FAM110C: variants seen among roughly 807,000 people sequenced by gnomAD.
The protein encoded by FAM110C is protein FAM110C.
A neutral mutation model predicts 15.7 loss-of-function variants in FAM110C; 19 were observed. That is an observed-to-expected ratio of 1.21 (90% confidence interval 0.85 to 1.78). FAM110C has a LOEUF of 1.78. FAM110C is among the 40% of genes most tolerant of loss of function. The probability of loss-of-function intolerance (pLI) is 0.00; values close to 1 mark genes in which losing one functional copy is unlikely to be tolerated. For missense variants in FAM110C, 547 were observed against 495.7 expected (o/e 1.10, Z -0.98); for synonymous variants, 275 against 233.9 (o/e 1.18, Z -1.61).
At chr2:42,288 G>A (rs1036249417) in intron 1 of FAM110C, 4 of 985,230 alleles carry the variant, frequency 4.1e-6, no homozygotes, top group African/African-American at 3.5e-5. Flanking sequence ...TTTGTGTCAA[G>A]GATAAATGTG....
rs1301792116 is a variant in FAM110C at position 41,133 on chromosome 2, A to G, written c.*475T>C. Reference sequence around the variant, plus strand: ...TGTGTGTTTACTCTTATTTGACCACATAATTGAAGTAGAATATGCCTTTTT... The same window carrying G: ...TGTGTGTTTACTCTTATTTGACCACGTAATTGAAGTAGAATATGCCTTTTT... On this transcript the variant is annotated 3_prime_UTR_variant, in exon 2 of 2. Coordinates refer to ENST00000327669, the MANE Select transcript of FAM110C (RefSeq NM_001077710.3). 6.5e-6 allele frequency: 1 copy of G among 153,796 alleles called. No homozygotes were observed. Among genetic ancestry groups the G allele is most frequent in the Admixed American group, 6.5e-5 (1 of 15,312 alleles). The allele number at this position is 153,796 out of a possible 1,614,324, so 9.5% of individuals were successfully genotyped here.
Position 45,707 on chromosome 2 carries a change from CG to C in FAM110C, c.678del (p.Glu227ArgfsTer18). 1 of 1,603,182 alleles carries C rather than the reference CG, an allele frequency of 6.2e-7. No individual in the cohort carries two copies. On this transcript the variant is annotated frameshift_variant, in exon 1 of 2. Coordinates refer to ENST00000327669, the MANE Select transcript of FAM110C (RefSeq NM_001077710.3). LOFTEE classifies it high-confidence loss of function. ...TCCCTCCCCAGGGCCTCCACCACCTCGGGGTCCAGGCCGCAGTACTGGAAGA... is the reference window on the plus strand; with the variant it reads ...TCCCTCCCCAGGGCCTCCACCACCTCGGGTCCAGGCCGCAGTACTGGAAGA... ...DTFFQYCGLD[P>X]EVVEALGREN... is the part of the protein sequence containing the mutation.
chr2:43,071 G>C (rs1316162346), intron 1 of FAM110C: 1 of 985,408 alleles, frequency 1.0e-6, no homozygotes, highest in Admixed American at 6.1e-5. Context: ...AGGGGCTAAG[G>C]TCATGAGCAG....
chr2:43,040 C>T (rs1664169334), intron 1 of FAM110C: 3 of 985,502 alleles, frequency 3.0e-6, no homozygotes, highest in Non-Finnish European at 3.6e-6. Context: ...AACACCAGTG[C>T]TGGGAGGTGG....
At chr2:43,552 G>T (rs1463520678) in intron 1 of FAM110C, 1 of 985,232 alleles carries the variant, frequency 1.0e-6, no homozygotes, top group African/African-American at 1.7e-5. Context: ...AAGCCTAAAA[G>T]GTCTTTAGGA....
chr2:46,214 C>T lies in FAM110C; in HGVS notation c.172G>A (p.Val58Ile). ...CCCGGGCCGCTGCCCTCGGAAGCGA[C>T]GCCCCGGCCAGTCCCCGGCCGACCC... ...VRGRPGTGRGVASEGSGPGAI... is the reference protein window; with the variant it reads ...VRGRPGTGRGIASEGSGPGAI... The change falls in exon 1 of 2, where the codon GTC (valine) becomes ATC (isoleucine). Residue 58 changes from valine (V) to isoleucine (I), a missense_variant. By Grantham distance (29) the Val-to-Ile change is conservative. Transcript: ENST00000327669. 1 of 1,378,102 alleles carries T rather than the reference C, an allele frequency of 7.3e-7. No individual in the cohort carries two copies. Among genetic ancestry groups the T allele is most frequent in the South Asian group, 1.7e-5 (1 of 59,560 alleles). 85.4% of individuals were successfully genotyped at this position (1,378,102 alleles called of 1,614,324 possible).
chr2:43,829 C>CT lies in FAM110C; in HGVS notation c.946+1610dup, dbSNP rs200449449. The stretch of plus-strand genomic sequence containing the variant: ...ACTTCTCACGTACTTCAATAGACAA[C>CT]TTTTTTTTGTTTGTTTTCCATTTCT... On this transcript the variant is annotated intron_variant, in intron 1 of 1. Coordinates refer to ENST00000327669, the MANE Select transcript of FAM110C (RefSeq NM_001077710.3). The CT allele has an allele frequency of 5.8e-4, 567 of 985,282 alleles. 1 individual carries two copies. In the African/African-American group the frequency reaches 9.0e-3, roughly 16 times the overall value. The allele number at this position is 985,282 out of a possible 1,614,324, so 61.0% of individuals were successfully genotyped here.
chr2:44,102 C>T lies in FAM110C; in HGVS notation c.946+1338G>A, dbSNP rs1447338003. 6 of 985,334 alleles carry T rather than the reference C, an allele frequency of 6.1e-6. No homozygotes were observed. The East Asian group carries it at 5.7e-4, about 93-fold the overall frequency. The allele number at this position is 985,334 out of a possible 1,614,324, so 61.0% of individuals were successfully genotyped here. A position where few individuals can be genotyped will look rare whatever the true frequency, so the allele number is the denominator to read the frequency against. On this transcript the variant is annotated intron_variant, in intron 1 of 1. Transcript: ENST00000327669. ...CACATGGTGCCATCATGGAAATACCCTTGCCAGCATTCATTCATCTCAGAT... is the reference window on the plus strand; with the variant it reads ...CACATGGTGCCATCATGGAAATACCTTTGCCAGCATTCATTCATCTCAGAT...
chr2:44,945 T>C (rs1664234207), intron 1 of FAM110C: 5 of 985,280 alleles, frequency 5.1e-6, no homozygotes, highest in East Asian at 1.1e-4. Context: ...GGAGTCTTCC[T>C]TTCTGTTCCA....
chr2:46,275 C>G lies in FAM110C; in HGVS notation c.111G>C (p.Val37=). 7.2e-7 allele frequency: 1 copy of G among 1,390,020 alleles called. No individual in the cohort carries two copies. The highest frequency in any genetic ancestry group is 1.6e-5 in the South Asian group (1 of 62,304). The allele number at this position is 1,390,020 out of a possible 1,614,324, so 86.1% of individuals were successfully genotyped here. The change falls in exon 1 of 2, where the codon GTG becomes GTC. Residue 37 remains valine (V), a synonymous_variant. Transcript: ENST00000327669. ...DAARPARRSA[V]ERLAADRAKY... ...TGGCGCGATCCGCCGCCAGCCTCTCCACTGCGCTCCTGCGCGCCGGCCGCG... is the reference window on the plus strand; with the variant it reads ...TGGCGCGATCCGCCGCCAGCCTCTCGACTGCGCTCCTGCGCGCCGGCCGCG...
At chr2:43,145 G>C (rs992817516) in intron 1 of FAM110C, 1 of 985,324 alleles carries the variant, frequency 1.0e-6, no homozygotes, top group Non-Finnish European at 1.2e-6. Flanking sequence ...CCCCACCCCT[G>C]GTAGCCGGGC....
rs1016819467 is a variant in FAM110C at position 39,319 on chromosome 2, G to A, written c.*2289C>T. Reference sequence around the variant, plus strand: ...CTGTCACTCAGGCTGGAGTGCAGTGGTGCAATCATGGTTCACTGCAACCTT... The same window carrying A: ...CTGTCACTCAGGCTGGAGTGCAGTGATGCAATCATGGTTCACTGCAACCTT... On this transcript the variant is annotated 3_prime_UTR_variant, in exon 2 of 2. Transcript: ENST00000327669. The A allele has an allele frequency of 3.3e-5, 5 of 152,134 alleles. No homozygotes were observed. The highest frequency in any genetic ancestry group is 3.3e-4 in the Admixed American group (5 of 15,284). 9.4% of individuals were successfully genotyped at this position (152,134 alleles called of 1,614,324 possible). A position where few individuals can be genotyped will look rare whatever the true frequency, so the allele number is the denominator to read the frequency against.
chr2:43,703 A>C, intron 1 of FAM110C: 1 of 985,356 alleles, frequency 1.0e-6, no homozygotes, highest in Non-Finnish European at 1.2e-6. Context: ...CTTTGGTTTC[A>C]TTTGTATGCC....
rs1200891850 is a variant in FAM110C, at chr2:45,868, C to G, written c.518G>C (p.Arg173Pro). 4 of 1,491,866 alleles carry G rather than the reference C, an allele frequency of 2.7e-6. No homozygotes were observed. Among genetic ancestry groups the G allele is most frequent in the East Asian group, 2.6e-5 (1 of 39,134 alleles). 92.4% of individuals were successfully genotyped at this position (1,491,866 alleles called of 1,614,324 possible). A position where few individuals can be genotyped will look rare whatever the true frequency, so the allele number is the denominator to read the frequency against. Residue 173 changes from arginine (R) to proline (P), a missense_variant, in exon 1 of 2, where the codon CGG becomes CCG. Coordinates refer to ENST00000327669, the MANE Select transcript of FAM110C (RefSeq NM_001077710.3). ...AIPETPAPAA[R>P]SAAPSSVPAA... Reference sequence around the variant, plus strand: ...CGGGACACTGGAGGGCGCCGCGGACCGCGCGGCTGGGGCTGGGGTCTCGGG... The same window carrying G: ...CGGGACACTGGAGGGCGCCGCGGACGGCGCGGCTGGGGCTGGGGTCTCGGG...
rs910961438 is a variant in FAM110C at position 42,130 on chromosome 2, C to T, written c.947-503G>A. ...GCCACGTGTTTACCTAAAATGTGCT[C>T]CTAGTCGCATAGCTTCTCAGAATAG... On this transcript the variant is annotated intron_variant, in intron 1 of 1. Coordinates refer to ENST00000327669, the MANE Select transcript of FAM110C (RefSeq NM_001077710.3). 61 of 985,246 alleles carry T rather than the reference C, an allele frequency of 6.2e-5. No homozygotes were observed. In the African/African-American group the frequency reaches 1.0e-3, roughly 17 times the overall value. The allele number at this position is 985,246 out of a possible 1,614,324, so 61.0% of individuals were successfully genotyped here.
chr2:44,362 T>C, intron 1 of FAM110C: 1 of 985,392 alleles, frequency 1.0e-6, no homozygotes, highest in Non-Finnish European at 1.2e-6. Flanking sequence ...GAGATATTTT[T>C]AGCTGTCAAA....
rs1229750827 is a variant in FAM110C at position 39,078 on chromosome 2, T to A, written c.*2530A>T. On this transcript the variant is annotated 3_prime_UTR_variant, in exon 2 of 2. Transcript: ENST00000327669. ...ACATTCTATTATGTTTAATTACATT[T>A]TGAAAAATTGTCGTTCTTTCATGAA... is the stretch of plus-strand genomic sequence containing the variant. The A allele has an allele frequency of 6.6e-6, 1 of 152,206 alleles. No individual in the cohort carries two copies. The highest frequency in any genetic ancestry group is 1.5e-5 in the Non-Finnish European group (1 of 68,050). 9.4% of individuals were successfully genotyped at this position (152,206 alleles called of 1,614,324 possible).
rs544573690 is a variant in FAM110C, at chr2:43,906, AG to A, written c.946+1533del. Reference sequence around the variant, plus strand: ...TTACTACACAGACTAGAAAATGTAGAGGTTGAAAACCATCCGCCTATCTCCC... The same window carrying A: ...TTACTACACAGACTAGAAAATGTAGAGTTGAAAACCATCCGCCTATCTCCC... On this transcript the variant is annotated intron_variant, in intron 1 of 1. Transcript: ENST00000327669. 60 of 985,468 alleles carry A rather than the reference AG, an allele frequency of 6.1e-5. No homozygotes were observed. The South Asian group carries it at 2.6e-3, about 42-fold the overall frequency. The allele number at this position is 985,468 out of a possible 1,614,324, so 61.0% of individuals were successfully genotyped here. A position where few individuals can be genotyped will look rare whatever the true frequency, so the allele number is the denominator to read the frequency against.
At chr2:42,227 CA>C (rs1664145978) in intron 1 of FAM110C, 1 of 985,278 alleles carries the variant, frequency 1.0e-6, no homozygotes, top group Admixed American at 6.1e-5. Flanking sequence ...ATATGAGACA[CA>C]ACTCTGTTCC....
Sources: allele counts gnomAD v4.1 joint callset, GRCh38; gene constraint gnomAD v4.1.1; transcripts MANE v1.5; gene names NCBI Gene and HGNC (gene_info 2026-07-23, HGNC 2026-07-21).